BTBD16: variants seen among roughly 807,000 people sequenced by gnomAD.
The protein encoded by BTBD16 is BTB domain containing 16, also known as BTB/POZ domain-containing protein 16.
Under a neutral mutation model 67.4 loss-of-function variants are expected in BTBD16, and 66 were observed. The observed-to-expected ratio is 0.98, with a 90% CI of 0.80 to 1.20. The LOEUF is 1.20. BTBD16 is among the 50% of genes most tolerant of loss of function. BTBD16 has a pLI of 0.00. For missense variants in BTBD16, 634 were observed against 616.0 expected (o/e 1.03, Z -0.31); for synonymous variants, 242 against 236.4 (o/e 1.02, Z -0.22).
At chr10:122,328,315 G>A (rs987676823) in intron 10 of BTBD16, among the ~76,000 whole-genome samples, 2 of 152,182 alleles carry the variant, frequency 1.3e-5, no homozygotes, top group Admixed American at 6.5e-5. Flanking sequence ...GCATCCGCCT[G>A]ACCTTATTTA....
chr10:122,332,527 T>C lies in BTBD16; in HGVS notation c.1164+14T>C. The C allele has an allele frequency of 6.2e-7, 1 of 1,607,388 alleles. No homozygotes were observed. Among genetic ancestry groups the C allele is most frequent in the Non-Finnish European group, 8.5e-7 (1 of 1,174,100 alleles). On this transcript the variant is annotated intron_variant, in intron 13 of 15. Transcript: ENST00000260723. ...CTCTTTAACCAGGTACTGAGAACTG[T>C]ACCCGAACAAGGGGAAGAACTGTTC...
chr10:122,336,030 CAG>C (rs1450519990), intron 14 of BTBD16, among the ~76,000 whole-genome samples: 2 of 152,014 alleles, frequency 1.3e-5, no homozygotes, highest in Non-Finnish European at 2.9e-5. Context: ...ATGAAGAAAC[CAG>C]AGTTTTAGTC....
chr10:122,329,567 C>G lies in BTBD16; in HGVS notation c.999C>G (p.Thr333=). ...TCTGCTTGCGTCTGCACGGCATCAC[C>G]AAAGGTAAGCCCCAGTCCAGGCGAG... ...LFLCLRLHGI[T]KGKDLEVLRH... Residue 333 remains threonine (T), a synonymous_variant, in exon 11 of 16, where the codon ACC becomes ACG. Coordinates refer to ENST00000260723, the MANE Select transcript of BTBD16 (RefSeq NM_144587.5). 3 of 1,613,468 alleles carry G rather than the reference C, an allele frequency of 1.9e-6. No individual in the cohort carries two copies. Among genetic ancestry groups the G allele is most frequent in the Non-Finnish European group, 1.7e-6 (2 of 1,179,868 alleles).
rs371821726 is a variant in BTBD16 at position 122,299,015 on chromosome 10, G to A, written c.672G>A (p.Glu224=). 3.7e-6 allele frequency: 6 copies of A among 1,613,796 alleles called. No homozygotes were observed. The highest frequency in any genetic ancestry group is 5.1e-6 in the Non-Finnish European group (6 of 1,180,020). The part of the protein sequence containing the change: ...FYEAGCKYKE[E]QLTTGCEKWL... ...TTTTTTTGTCTTAGTACAAGGAAGA[G>A]CAGCTCACCACCGGCTGCGAGAAGT... Residue 224 remains glutamate, a synonymous_variant, in exon 9 of 16, where the codon GAG becomes GAA. Coordinates refer to ENST00000260723, the MANE Select transcript of BTBD16 (RefSeq NM_144587.5).
chr10:122,333,048 A>G (rs558780513), intron 13 of BTBD16: 1 of 748,100 alleles, frequency 1.3e-6, no homozygotes, highest in Admixed American at 6.3e-5. Flanking sequence ...GCTGTGCTCC[A>G]TGCTGGGTTC....
intron 9 of BTBD16, among the ~76,000 whole-genome samples, chr10:122,305,634 ACCT>A (rs1393192825): frequency 7.2e-5 from 11 of 152,210 alleles, no homozygotes; most frequent in African/African-American, 2.6e-4. Flanking sequence ...AGTCAAGTAA[ACCT>A]CTTTTCTTTA....
chr10:122,290,267 G>A (rs538390273), intron 6 of BTBD16, among the ~76,000 whole-genome samples: 2 of 152,288 alleles, frequency 1.3e-5, no homozygotes, highest in African/African-American at 2.4e-5. Flanking sequence ...AGAAGACAGC[G>A]GCTTCTCAGA....
intron 10 of BTBD16, among the ~76,000 whole-genome samples, chr10:122,317,107 C>T (rs1187700034): frequency 2.0e-5 from 3 of 152,016 alleles, no homozygotes; most frequent in East Asian, 1.9e-4. Flanking sequence ...ACTTTATAAA[C>T]GCTGTGTACT....
intron 9 of BTBD16, among the ~76,000 whole-genome samples, chr10:122,302,756 T>C (rs537833497): frequency 6.6e-6 from 1 of 152,342 alleles, no homozygotes; most frequent in East Asian, 1.9e-4. Flanking sequence ...TGTTGTTGTA[T>C]AGAGAATATT....
At chr10:122,286,319 G>A (rs1215505956) in intron 5 of BTBD16, 71 bp downstream of exon 5, 14 of 1,521,704 alleles carry the variant, frequency 9.2e-6, no homozygotes, top group Admixed American at 2.1e-5. Context: ...CTTGGAACAT[G>A]GTTATCTGTT....
chr10:122,296,171 T>C (rs995890053), intron 7 of BTBD16, among the ~76,000 whole-genome samples: 1 of 152,158 alleles, frequency 6.6e-6, no homozygotes, highest in Non-Finnish European at 1.5e-5. Context: ...ACTATTAGTA[T>C]GAAAACTGTG....
Position 122,336,065 on chromosome 10 carries a change from T to A in BTBD16, c.1264-429T>A, listed in dbSNP as rs537819386. On this transcript the variant is annotated intron_variant, in intron 14 of 15. Coordinates refer to ENST00000260723, the MANE Select transcript of BTBD16 (RefSeq NM_144587.5). ...GTCCCAGATTTTCCAGTACCTCATA[T>A]GTCCCCTGGAGCAAGTCATTTCTCT... Among the ~76,000 whole-genome samples the A allele has an allele frequency of 1.4e-3, 207 of 152,342 alleles. 1 individual carries two copies. Among genetic ancestry groups the A allele is most frequent in the Non-Finnish European group, 2.4e-3 (162 of 68,032 alleles).
intron 9 of BTBD16, among the ~76,000 whole-genome samples, chr10:122,300,961 G>A (rs1033401067): frequency 7.2e-5 from 11 of 152,160 alleles, no homozygotes; most frequent in South Asian, 4.1e-4. Flanking sequence ...ATGCCCTCAC[G>A]TTTACAGAGA....
rs1039553026 is a variant in BTBD16 at position 122,272,972 on chromosome 10, A to T, written c.-43+1458A>T. The stretch of plus-strand genomic sequence containing the variant: ...ACCCCACTGGTAGCCAGGAAAGTTC[A>T]AATTAAAGTAAGAATCTGAAACCAT... On this transcript the variant is annotated intron_variant, in intron 1 of 15. Coordinates refer to ENST00000260723, the MANE Select transcript of BTBD16 (RefSeq NM_144587.5). Among the ~76,000 whole-genome samples the T allele has an allele frequency of 6.6e-5, 10 of 152,274 alleles. 1 individual carries two copies. Among genetic ancestry groups the T allele is most frequent in the Admixed American group, 6.5e-5 (1 of 15,296 alleles).
At chr10:122,325,187 T>C (rs116316732) in intron 10 of BTBD16, among the ~76,000 whole-genome samples, 1 of 152,170 alleles carries the variant, frequency 6.6e-6, no homozygotes, top group Admixed American at 6.5e-5. Flanking sequence ...AGGGATGGGA[T>C]GATGGAAATG....
Position 122,299,868 on chromosome 10 carries a change from C to G in BTBD16, c.791+734C>G, listed in dbSNP as rs571798456. The stretch of plus-strand genomic sequence containing the variant: ...TCTGGACCCCCTTCTAATCGCATCT[C>G]TAGCCAACAGCCTTTGCCTCTGGTG... On this transcript the variant is annotated intron_variant, in intron 9 of 15. Coordinates refer to ENST00000260723, the MANE Select transcript of BTBD16 (RefSeq NM_144587.5). 1.2e-4 allele frequency among the ~76,000 whole-genome samples: 19 copies of G among 152,308 alleles called. No homozygotes were observed. In the South Asian group the frequency reaches 3.3e-3, roughly 27 times the overall value.
intron 4 of BTBD16, among the ~76,000 whole-genome samples, 192 bp from the exon 5 acceptor site, chr10:122,285,913 T>G (rs2096362744): frequency 6.6e-6 from 1 of 151,994 alleles, no homozygotes; most frequent in Admixed American, 6.6e-5. Context: ...TGGTTTGGTG[T>G]CCCCCTCAAA....
chr10:122,321,009 T>C (rs1349550121), intron 10 of BTBD16, among the ~76,000 whole-genome samples: 1 of 152,066 alleles, frequency 6.6e-6, no homozygotes, highest in Non-Finnish European at 1.5e-5. Flanking sequence ...TCTCCCTCCC[T>C]CCCCACTCTA....
intron 1 of BTBD16, among the ~76,000 whole-genome samples, chr10:122,272,674 G>A (rs920844599): frequency 6.2e-5 from 7 of 112,306 alleles, no homozygotes; most frequent in Non-Finnish European, 1.0e-4. Context: ...ACTGGCAAAG[G>A]AAATACACAC....
Sources: gnomAD v4.1 joint callset for allele counts (sites outside exome capture counted in the v4.1 genomes callset) on GRCh38, gnomAD v4.1.1 for gene constraint, MANE v1.5 for transcripts, NCBI Gene and HGNC (gene_info 2026-07-23, HGNC 2026-07-21) for gene names.